LRMDA: variants seen among roughly 807,000 people sequenced by gnomAD.
The protein encoded by LRMDA is leucine rich melanocyte differentiation associated, also known as leucine-rich melanocyte differentiation-associated protein.
LRMDA carries 18 observed loss-of-function variants against 29.8 expected under a neutral mutation model. The observed-to-expected ratio is 0.60, with a 90% CI of 0.42 to 0.90. LRMDA has a LOEUF of 0.90. LRMDA is among the 40% of genes least tolerant of loss of function. LRMDA has a pLI of 0.00. For synonymous variants in LRMDA, 125 were observed against 109.4 expected, an observed-to-expected ratio of 1.14 and a Z score of -0.89; for missense variants, 273 against 273.9, an observed-to-expected ratio of 1.00 and a Z score of 0.02.
At chr10:76,340,349 C>G (rs1039943151) in intron 6 of LRMDA, among the ~76,000 whole-genome samples, 1 of 151,572 alleles carries the variant, frequency 6.6e-6, no homozygotes, top group Non-Finnish European at 1.5e-5. Flanking sequence ...AACCTTGTCT[C>G]TACTAAAAAT....
chr10:76,081,142 G>A (rs532231234), intron 5 of LRMDA, among the ~76,000 whole-genome samples: 1 of 152,320 alleles, frequency 6.6e-6, no homozygotes, highest in Admixed American at 6.5e-5. Context: ...TTGGCTTCTA[G>A]TTAGCAGTAG....
At chr10:75,900,596 A>G (rs1845653976) in intron 2 of LRMDA, among the ~76,000 whole-genome samples, 2 of 152,200 alleles carry the variant, frequency 1.3e-5, no homozygotes, top group Non-Finnish European at 2.9e-5. Flanking sequence ...CAGCCTGTGC[A>G]GTGCATTGCC....
intron 2 of LRMDA, among the ~76,000 whole-genome samples, chr10:75,890,578 A>G (rs2132353170): frequency 6.6e-6 from 1 of 152,228 alleles, no homozygotes; most frequent in African/African-American, 2.4e-5. Flanking sequence ...AGTTGGCTGG[A>G]TCTTGGTAGT....
rs547277141 is a variant in LRMDA at position 75,600,860 on chromosome 10, A to G, written c.131+162366A>G. Among the ~76,000 whole-genome samples the G allele has an allele frequency of 2.0e-5, 3 of 152,388 alleles. No individual in the cohort carries two copies. The East Asian group carries it at 5.8e-4, about 29-fold the overall frequency. Reference sequence around the variant, plus strand: ...TACTAATCCTTCAAGTGTGCTGAACATGAGAAATAGCATTCACTGTTAAAC... The same window carrying G: ...TACTAATCCTTCAAGTGTGCTGAACGTGAGAAATAGCATTCACTGTTAAAC... On this transcript the variant is annotated intron_variant, in intron 2 of 6. Coordinates refer to ENST00000611255, the MANE Select transcript of LRMDA (RefSeq NM_001305581.2).
At chr10:76,279,502 A>T in intron 5 of LRMDA, among the ~76,000 whole-genome samples, 1 of 151,584 alleles carries the variant, frequency 6.6e-6, no homozygotes, top group Admixed American at 6.6e-5. Flanking sequence ...AAAGTGGTAT[A>T]GACGGGCTAA....
At chr10:75,787,156 G>A (rs1843484735) in intron 2 of LRMDA, among the ~76,000 whole-genome samples, 1 of 152,190 alleles carries the variant, frequency 6.6e-6, no homozygotes, top group Non-Finnish European at 1.5e-5. Context: ...CCGCATGCTT[G>A]GTGGTGGTTC....
chr10:76,322,979 A>C (rs1840789958), intron 5 of LRMDA, among the ~76,000 whole-genome samples: 1 of 152,118 alleles, frequency 6.6e-6, no homozygotes, highest in Non-Finnish European at 1.5e-5. Context: ...TTTGATTTTT[A>C]ATAATTTTGG....
intron 6 of LRMDA, among the ~76,000 whole-genome samples, chr10:76,511,528 C>G (rs1843009129): frequency 6.6e-6 from 1 of 151,878 alleles, no homozygotes; most frequent in South Asian, 2.1e-4. Flanking sequence ...CATGAGTTAG[C>G]AAGATTGCAA....
At chr10:75,806,162 G>A (rs1314054993) in intron 2 of LRMDA, among the ~76,000 whole-genome samples, 1 of 152,170 alleles carries the variant, frequency 6.6e-6, no homozygotes, top group Admixed American at 6.5e-5. Flanking sequence ...ACTTTTGAGA[G>A]GACAGAACTA....
At chr10:75,856,801 T>C (rs1216457042) in intron 2 of LRMDA, among the ~76,000 whole-genome samples, 1 of 152,164 alleles carries the variant, frequency 6.6e-6, no homozygotes, top group African/African-American at 2.4e-5. Context: ...TCACTACTCC[T>C]ATTCAACATA....
At chr10:75,772,801 G>A (rs942480973) in intron 2 of LRMDA, among the ~76,000 whole-genome samples, 2 of 136,836 alleles carry the variant, frequency 1.5e-5, no homozygotes, top group African/African-American at 5.4e-5. Context: ...TGCAGGACTA[G>A]AGCACATTTC....
chr10:75,670,115 G>A (rs1412375154), intron 2 of LRMDA, among the ~76,000 whole-genome samples: 1 of 152,196 alleles, frequency 6.6e-6, no homozygotes, highest in Non-Finnish European at 1.5e-5. Flanking sequence ...GAAGACATTT[G>A]CGTCTTTATA....
chr10:76,058,616 T>G, intron 4 of LRMDA, 50 bp from the exon 5 acceptor site: 3 of 1,450,506 alleles, frequency 2.1e-6, no homozygotes, highest in South Asian at 1.1e-5. Context: ...TCGGGATCTC[T>G]GAGGCTGCCA....
chr10:76,128,577 C>G (rs550238307), intron 5 of LRMDA, among the ~76,000 whole-genome samples: 345 of 152,292 alleles, frequency 2.3e-3, no homozygotes, highest in African/African-American at 7.9e-3. Flanking sequence ...AAAGTAAAGC[C>G]ATGCACTTGG....
chr10:76,409,745 C>T (rs1841938393), intron 6 of LRMDA, among the ~76,000 whole-genome samples: 1 of 152,164 alleles, frequency 6.6e-6, no homozygotes, highest in Non-Finnish European at 1.5e-5. Context: ...TCAACTTTAG[C>T]ATTTCCCAAT....
rs972379944 is a variant in LRMDA, at chr10:75,644,806, G to C, written c.131+206312G>C. ...GAAAGGATGTAAACCTCATGAATGA[G>C]AACTGCAAAGAAGGGCTTTACCCTA... On this transcript the variant is annotated intron_variant, in intron 2 of 6. Transcript: ENST00000611255. Among the ~76,000 whole-genome samples the C allele has an allele frequency of 6.6e-5, 10 of 152,248 alleles. No homozygotes were observed. The East Asian group carries it at 1.9e-3, about 29-fold the overall frequency.
At chr10:75,788,224 G>C (rs1261311121) in intron 2 of LRMDA, among the ~76,000 whole-genome samples, 1 of 152,270 alleles carries the variant, frequency 6.6e-6, no homozygotes, top group African/African-American at 2.4e-5. Flanking sequence ...CAAAATAACA[G>C]TGGCTTAAAA....
chr10:76,509,031 T>C (rs1469663304), intron 6 of LRMDA, among the ~76,000 whole-genome samples: 1 of 152,190 alleles, frequency 6.6e-6, no homozygotes, highest in Non-Finnish European at 1.5e-5. Context: ...GTTGTTGTGA[T>C]GGCTAAATGA....
At chr10:75,555,906 A>G (rs971678552) in intron 2 of LRMDA, among the ~76,000 whole-genome samples, 3 of 152,218 alleles carry the variant, frequency 2.0e-5, no homozygotes, top group Non-Finnish European at 4.4e-5. Flanking sequence ...AGGACTGAAA[A>G]TTATAATATC....
Sources: gnomAD v4.1 joint callset for allele counts (sites outside exome capture counted in the v4.1 genomes callset) on GRCh38, gnomAD v4.1.1 for gene constraint, MANE v1.5 for transcripts, NCBI Gene and HGNC (gene_info 2026-07-23, HGNC 2026-07-21) for gene names.